The following ATXN7L3 variants were observed in gnomAD, a reference collection of about 807,000 sequenced individuals.
ATXN7L3 encodes ataxin-7-like protein 3.
A neutral mutation model predicts 50.0 loss-of-function variants in ATXN7L3; 6 were observed. The observed-to-expected ratio is 0.12, with a 90% CI of 0.07 to 0.24. ATXN7L3 has a LOEUF of 0.24. Among genes scored for constraint, ATXN7L3 ranks in the 10% least tolerant of loss-of-function variants. The pLI is 1.00. For synonymous variants in ATXN7L3, 198 were observed against 165.8 expected (o/e 1.19, Z -1.49); for missense variants, 322 against 451.3 (o/e 0.71, Z 2.60).
At position 44,194,171 on chromosome 17, in the gene ATXN7L3, C is replaced by A; in HGVS notation, c.*92G>T. The A allele has an allele frequency of 6.6e-7, 1 of 1,514,250 alleles. No homozygotes were observed. The highest frequency in any genetic ancestry group is 8.9e-7 in the Non-Finnish European group (1 of 1,123,590). The allele number at this position is 1,514,250 out of a possible 1,614,324, so 93.8% of individuals were successfully genotyped here. A position where few individuals can be genotyped will look rare whatever the true frequency, so the allele number is the denominator to read the frequency against. On this transcript the variant is annotated 3_prime_UTR_variant, in exon 13 of 13. Coordinates refer to ENST00000587097, the MANE Select transcript of ATXN7L3 (RefSeq NM_001382309.1). ...CCACCAAGCTTCCCAAGCCCCAACC[C>A]CCAGCAGCCGTCCATTTGCCAGGCT...
Position 44,193,711 on chromosome 17 carries a change from C to T in ATXN7L3, c.*552G>A, listed in dbSNP as rs1268333509. Reference sequence around the variant, plus strand: ...TGGACGCCCACCTCAGCAGACAGCACTCTGTGCCTGCCTACCCCTGGGACT... The same window carrying T: ...TGGACGCCCACCTCAGCAGACAGCATTCTGTGCCTGCCTACCCCTGGGACT... On this transcript the variant is annotated 3_prime_UTR_variant, in exon 13 of 13. Transcript: ENST00000587097. 1.9e-5 allele frequency: 3 copies of T among 154,516 alleles called. No individual in the cohort carries two copies. The highest frequency in any genetic ancestry group is 3.1e-3 in the Middle Eastern group (1 of 320). The allele number at this position is 154,516 out of a possible 1,614,324, so 9.6% of individuals were successfully genotyped here.
chr17:44,196,148 GA>G (rs1370632885), intron 6 of ATXN7L3, 69 bp from the exon 7 acceptor site: 1 of 1,529,268 alleles, frequency 6.5e-7, no homozygotes, highest in Non-Finnish European at 9.0e-7. Context: ...CCCAGGGAAG[GA>G]AAAAAGATTT....
In ATXN7L3 at chr17:44,198,057, T is replaced by G; in HGVS notation, c.14A>C (p.Glu5Ala). The change falls in exon 2 of 13, where the codon GAA (glutamate) becomes GCA (alanine). Residue 5 changes from glutamate to alanine, a missense_variant. Coordinates refer to ENST00000587097, the MANE Select transcript of ATXN7L3 (RefSeq NM_001382309.1). The part of the protein sequence containing the change: MKME[E>A]MSLSGLDNSK... ...GTTATCCAGGCCAGACAAAGACATTTCCTCCATTTTCATTTGTAAACTCTT... is the reference window on the plus strand; with the variant it reads ...GTTATCCAGGCCAGACAAAGACATTGCCTCCATTTTCATTTGTAAACTCTT... The G allele has an allele frequency of 6.2e-7, 1 of 1,614,102 alleles. No homozygotes were observed. The highest frequency in any genetic ancestry group is 8.5e-7 in the Non-Finnish European group (1 of 1,179,990).
At chr17:44,196,308 G>T (rs2055889159) in intron 6 of ATXN7L3, 88 bp downstream of exon 6, 11 of 1,487,430 alleles carry the variant, frequency 7.4e-6, no homozygotes, top group Non-Finnish European at 1.0e-5. Flanking sequence ...CCTCAGCCTT[G>T]AGTCATGACA....
Position 44,197,744 on chromosome 17 carries a change from G to T in ATXN7L3, c.52-14C>A. 3 of 1,614,258 alleles carry T rather than the reference G, an allele frequency of 1.9e-6. No individual in the cohort carries two copies. Among genetic ancestry groups the T allele is most frequent in the Non-Finnish European group, 2.5e-6 (3 of 1,180,042 alleles). On this transcript the variant is annotated splice_polypyrimidine_tract_variant and intron_variant, in intron 2 of 12. Coordinates refer to ENST00000587097, the MANE Select transcript of ATXN7L3 (RefSeq NM_001382309.1). ...CTGAGCGATGGCCTGGGCCCCAGGGGAGAACATCTACGGTCACAAGAGTCA... is the reference window on the plus strand; with the variant it reads ...CTGAGCGATGGCCTGGGCCCCAGGGTAGAACATCTACGGTCACAAGAGTCA...
intron 7 of ATXN7L3, 58 bp downstream of exon 7, chr17:44,195,976 G>A (rs541642646): frequency 4.5e-5 from 58 of 1,283,452 alleles, no homozygotes; most frequent in East Asian, 2.5e-4. Flanking sequence ...TCCACCCCCC[G>A]GCAATGAGTC....
chr17:44,198,432 T>C lies in ATXN7L3; in HGVS notation c.-60-302A>G, dbSNP rs1267010719. 7 of 238,752 alleles carry C rather than the reference T, an allele frequency of 2.9e-5. No homozygotes were observed. In the Admixed American group the frequency reaches 3.2e-4, roughly 11 times the overall value. The allele number at this position is 238,752 out of a possible 1,614,324, so 14.8% of individuals were successfully genotyped here. ...CCCCTCTTTGATACCCATGGTGCAATGCAGCAGGGGGAGGAGAAGGAACTC... is the reference window on the plus strand; with the variant it reads ...CCCCTCTTTGATACCCATGGTGCAACGCAGCAGGGGGAGGAGAAGGAACTC... On this transcript the variant is annotated intron_variant, in intron 1 of 12. Transcript: ENST00000587097.
intron 1 of ATXN7L3, 24 bp from the exon 2 acceptor site, chr17:44,198,154 T>G (rs1220826175): frequency 1.9e-5 from 26 of 1,385,226 alleles, no homozygotes; most frequent in Admixed American, 3.6e-5. Flanking sequence ...GGTGGGGGTG[T>G]TGTTGTGAGT....
chr17:44,197,470 G>C lies in ATXN7L3; in HGVS notation c.185-71C>G, dbSNP rs949506284. ...CTCTTGTTCCCACCTGGGGTCCCAC[G>C]GCCTCTTCAATCCCTCCCCCGGCTC... is the stretch of plus-strand genomic sequence containing the variant. On this transcript the variant is annotated intron_variant, in intron 3 of 12. Coordinates refer to ENST00000587097, the MANE Select transcript of ATXN7L3 (RefSeq NM_001382309.1). 6 of 1,572,584 alleles carry C rather than the reference G, an allele frequency of 3.8e-6. No individual in the cohort carries two copies. The South Asian group carries it at 5.9e-5, about 16-fold the overall frequency.
intron 6 of ATXN7L3, 121 bp from the exon 7 acceptor site, chr17:44,196,200 TAGG>T (rs2055881208): frequency 1.5e-6 from 2 of 1,298,012 alleles, no homozygotes; most frequent in Non-Finnish European, 2.2e-6. Flanking sequence ...TCCTCCCCAG[TAGG>T]AGGCCTGTCT....
chr17:44,196,446 G>A (rs938247771), intron 5 of ATXN7L3, 28 bp from the exon 6 acceptor site: 8 of 1,613,966 alleles, frequency 5.0e-6, no homozygotes, highest in Middle Eastern at 1.6e-4. Context: ...ATAAAGAGCA[G>A]GGTTTCCGTT....
chr17:44,194,721 C>A, intron 11 of ATXN7L3, 47 bp from the exon 12 acceptor site: 2 of 1,613,476 alleles, frequency 1.2e-6, no homozygotes, highest in Non-Finnish European at 1.7e-6. Flanking sequence ...TAGTGATCAT[C>A]GCCCTAACTG....
Position 44,194,801 on chromosome 17 carries a change from C to T in ATXN7L3, c.704G>A (p.Arg235Gln), listed in dbSNP as rs756649643. ...CCCGAGAAAATAAATCCGTACGGTT[C>T]GCCTCTGCTCATCTGTGTGCTGTGG... ...RCPQHTDEQR[R>Q]TVRIYFLGPS... The change falls in exon 11 of 13, where the codon CGA becomes CAA. Residue 235 changes from arginine to glutamine, a missense_variant. Physicochemically the swap from Arg to Gln is conservative, Grantham distance 43. This residue lies in a region of ATXN7L3 where 24 missense variants were observed against 52.6 expected (regional missense o/e 0.46). Coordinates refer to ENST00000587097, the MANE Select transcript of ATXN7L3 (RefSeq NM_001382309.1). The T allele has an allele frequency of 3.7e-6, 6 of 1,614,166 alleles. No homozygotes were observed. The highest frequency in any genetic ancestry group is 4.2e-6 in the Non-Finnish European group (5 of 1,180,014).
intron 1 of ATXN7L3, 92 bp downstream of exon 1, chr17:44,199,404 G>A (rs1218548969): frequency 6.7e-6 from 1 of 149,234 alleles, no homozygotes; most frequent in Non-Finnish European, 1.5e-5. Context: ...CCAGACCTGG[G>A]GGGAGGGGGC....
Position 44,194,298 on chromosome 17 carries a change from G to T in ATXN7L3, c.1009C>A (p.Pro337Thr), listed in dbSNP as rs777276012. The T allele has an allele frequency of 2.5e-6, 4 of 1,614,222 alleles. No individual in the cohort carries two copies. Among genetic ancestry groups the T allele is most frequent in the East Asian group, 2.2e-5 (1 of 44,888 alleles). ...TCATCATAGATGCTGGGCGTCGGGG[G>T]TGCCGGTGGCTTTGGCTTCTTCTTC... ...NKKKKPKPPA[P>T]PTPSIYDDIN Residue 337 changes from proline (P) to threonine (T), a missense_variant, in exon 13 of 13, where the codon CCC becomes ACC. Transcript: ENST00000587097.
In ATXN7L3 at chr17:44,197,008, A is replaced by T. The variant is rs754022160; in HGVS notation, c.375T>A (p.Asn125Lys). ...IANRRIANSN[N>K]MNKSESDQED... ...CTTGGTCACTCTCAGACTTATTCAT[A>T]TTGTTGCTATTGGCAATCCTGCCAA... The change falls in exon 5 of 13, where the codon AAT (asparagine) becomes AAA (lysine). Residue 125 changes from asparagine (N) to lysine (K), a missense_variant. Asn to Lys is a moderately conservative substitution (Grantham distance 94, BLOSUM62 0). This residue lies in a region of ATXN7L3 where 95 missense variants were observed against 98.1 expected (regional missense o/e 0.97). Transcript: ENST00000587097. 1.2e-6 allele frequency: 2 copies of T among 1,612,722 alleles called. No individual in the cohort carries two copies. The highest frequency in any genetic ancestry group is 2.2e-5 in the South Asian group (2 of 91,038).
intron 10 of ATXN7L3, 125 bp from the exon 11 acceptor site, chr17:44,194,964 C>T (rs1598194938): frequency 6.8e-7 from 1 of 1,474,290 alleles, no homozygotes; most frequent in Admixed American, 1.7e-5. Context: ...AGATTGTGGC[C>T]AAAGGCCTCA....
In ATXN7L3 at chr17:44,194,805, T is replaced by C; in HGVS notation, c.700A>G (p.Arg234Gly). The C allele has an allele frequency of 6.2e-7, 1 of 1,614,160 alleles. No homozygotes were observed. The change falls in exon 11 of 13, where the codon AGG (arginine) becomes GGG (glycine). Residue 234 changes from arginine to glycine, a missense_variant. Physicochemically the swap from Arg to Gly is moderately radical, Grantham distance 125. Transcript: ENST00000587097. ...LRCPQHTDEQ[R>G]RTVRIYFLGP... ...AGAAAATAAATCCGTACGGTTCGCC[T>C]CTGCTCATCTGTGTGCTGTGGGCAG...
In ATXN7L3 at chr17:44,195,087, C is replaced by G. The variant is rs758817990; in HGVS notation, c.665+10G>C. 7.4e-6 allele frequency: 12 copies of G among 1,613,998 alleles called. No homozygotes were observed. The highest frequency in any genetic ancestry group is 1.0e-5 in the Non-Finnish European group (12 of 1,179,854). ...AAGCGCCTGGCCCCCTTTCTAGGTT[C>G]TGTGCTCACCTTGTGCACATCTTCT... is the stretch of plus-strand genomic sequence containing the variant. On this transcript the variant is annotated intron_variant, in intron 10 of 12. Coordinates refer to ENST00000587097, the MANE Select transcript of ATXN7L3 (RefSeq NM_001382309.1).
Sources: allele counts gnomAD v4.1 joint callset, GRCh38; gene constraint gnomAD v4.1.1; regional missense constraint gnomAD v4.1.1; transcripts MANE v1.5; gene names NCBI Gene and HGNC (gene_info 2026-07-23, HGNC 2026-07-21).